RBM10: variants seen among roughly 807,000 people sequenced by gnomAD.
RBM10 encodes the protein RNA binding motif protein 10.
RBM10 carries 1 observed loss-of-function variant against 84.9 expected under a neutral mutation model. The observed-to-expected ratio is 0.01, with a 90% confidence interval of 0.00 to 0.06. The LOEUF is 0.06. Ranked by LOEUF, RBM10 falls within the 10% of genes least tolerant of loss-of-function variation. The probability of loss-of-function intolerance (pLI) is 1.00; values close to 1 mark genes in which losing one functional copy is unlikely to be tolerated. For missense variants in RBM10, 438 were observed against 839.0 expected (o/e 0.52, Z 5.90); for synonymous variants, 326 against 344.5 (o/e 0.95, Z 0.60).
Position 47,181,407 on chromosome X carries a change from C to T in RBM10, c.1435+6C>T, listed in dbSNP as rs1556779280. The T allele has an allele frequency of 1.7e-6, 2 of 1,207,845 alleles. No individual in the cohort carries two copies. The highest frequency in any genetic ancestry group is 2.2e-6 in the Non-Finnish European group (2 of 893,188). Reference sequence around the variant, plus strand: ...AGGGGATCCCACTGGAGCAGGTGAGCCCCAGCATCTCTCTCTGCAGCTGTG... The same window carrying T: ...AGGGGATCCCACTGGAGCAGGTGAGTCCCAGCATCTCTCTCTGCAGCTGTG... On this transcript the variant is annotated splice_donor_region_variant and intron_variant, in intron 13 of 23. Coordinates refer to ENST00000377604, the MANE Select transcript of RBM10 (RefSeq NM_005676.5).
At chrX:47,155,983 ATT>A (rs1437174197) in intron 2 of RBM10, among the ~76,000 whole-genome samples, 8 of 107,505 alleles carry the variant, frequency 7.4e-5, no homozygotes, top group Non-Finnish European at 1.5e-4. Flanking sequence ...CTAATTTTGT[ATT>A]TTTAGTAGAG....
intron 2 of RBM10, among the ~76,000 whole-genome samples, chrX:47,167,496 T>C (rs781872502): frequency 9.1e-6 from 1 of 109,850 alleles, no homozygotes; most frequent in South Asian, 3.9e-4. Context: ...CCCAAGTAGC[T>C]GAGATTACAG....
intron 1 of RBM10, 113 bp downstream of exon 1, chrX:47,145,598 G>GACAT: frequency 6.0e-6 from 4 of 670,118 alleles, no homozygotes; most frequent in Non-Finnish European, 8.4e-6. Context: ...GGAGGGGTTG[G>GACAT]TGCAATGTCT....
chrX:47,179,719 A>T (rs782135527), intron 9 of RBM10, 161 bp from the exon 10 acceptor site: 334 of 824,243 alleles, frequency 4.1e-4, no homozygotes, highest in Non-Finnish European at 5.6e-4. Flanking sequence ...TGGCACCTGG[A>T]CCGCCAAGCA....
In RBM10 at chrX:47,180,271, C is replaced by G. The variant is rs1935425299; in HGVS notation, c.1122C>G (p.Gly374=). The G allele has an allele frequency of 1.7e-6, 2 of 1,202,515 alleles. No individual in the cohort carries two copies. The highest frequency in any genetic ancestry group is 4.4e-5 in the Admixed American group (2 of 45,172). Residue 374 remains glycine, a synonymous_variant, in exon 11 of 24, where the codon GGC becomes GGG. Transcript: ENST00000377604. ...QALHPPLTID[G]KTINVEFAKG... ...TGCACCCACCACTCACTATCGACGG[C>G]AAGACCATCAATGTTGAGTTTGCCA...
At position 47,145,246 on chromosome X, in the gene RBM10, C is replaced by G. The variant is rs947140029; in HGVS notation, c.-365C>G. 2.5e-5 allele frequency: 12 copies of G among 475,236 alleles called. No individual in the cohort carries two copies. Among genetic ancestry groups the G allele is most frequent in the Non-Finnish European group, 3.3e-5 (9 of 271,445 alleles). The allele number at this position is 475,236 out of a possible 1,213,427, so 39.2% of individuals were successfully genotyped here. On this transcript the variant is annotated 5_prime_UTR_variant, in exon 1 of 24. Coordinates refer to ENST00000377604, the MANE Select transcript of RBM10 (RefSeq NM_005676.5). Reference sequence around the variant, plus strand: ...AGTAGGTGGATGGTGGTCGGAGCGCCGACTCCCTTCTCGTCGTCGCCATTT... The same window carrying G: ...AGTAGGTGGATGGTGGTCGGAGCGCGGACTCCCTTCTCGTCGTCGCCATTT...
rs1556779561 is a variant in RBM10, at chrX:47,181,612, C to T, written c.1541C>T (p.Ala514Val). The change falls in exon 14 of 24, where the codon GCG (alanine) becomes GTG (valine). Residue 514 changes from alanine to valine, a missense_variant. Coordinates refer to ENST00000377604, the MANE Select transcript of RBM10 (RefSeq NM_005676.5). ...APGIYQQSAE[A>V]SSSQGTAANS... ...GGCATCTACCAACAATCAGCCGAGG[C>T]GAGCAGTAGCCAGGGCACTGCTGCC... 5.0e-6 allele frequency: 6 copies of T among 1,206,420 alleles called. No individual in the cohort carries two copies. Among genetic ancestry groups the T allele is most frequent in the Non-Finnish European group, 6.7e-6 (6 of 893,447 alleles).
Position 47,156,098 on chromosome X carries a change from C to T in RBM10, c.17+8600C>T, listed in dbSNP as rs782092609. Among the ~76,000 whole-genome samples the T allele has an allele frequency of 1.1e-4, 12 of 110,471 alleles. No homozygotes were observed. The East Asian group carries it at 1.7e-3, about 16-fold the overall frequency. Reference sequence around the variant, plus strand: ...TGCTCGGATTATAGGTGTGAGCCACCGTGCCCAGCCCACTAGATTCTACTA... The same window carrying T: ...TGCTCGGATTATAGGTGTGAGCCACTGTGCCCAGCCCACTAGATTCTACTA... On this transcript the variant is annotated intron_variant, in intron 2 of 23. Transcript: ENST00000377604.
chrX:47,148,626 T>C (rs1265618643), intron 2 of RBM10, among the ~76,000 whole-genome samples: 1 of 96,663 alleles, frequency 1.0e-5, no homozygotes, highest in African/African-American at 3.8e-5. Context: ...AATGTATCCT[T>C]CTATGATACA....
At chrX:47,157,541 C>A in intron 2 of RBM10, 1 of 428,990 alleles carries the variant, frequency 2.3e-6, no homozygotes, top group Non-Finnish European at 4.3e-6. Context: ...CCATGTAGAT[C>A]TCAATCTTCC....
intron 5 of RBM10, among the ~76,000 whole-genome samples, chrX:47,173,930 TC>T (rs1556774925): frequency 1.0e-4 from 10 of 95,746 alleles, no homozygotes; most frequent in South Asian, 5.0e-4. Context: ...TCTCTCTCTC[TC>T]TCTTTCTCCC....
In RBM10 at chrX:47,157,235, G is replaced by A. The variant is rs1269483005; in HGVS notation, c.17+9737G>A. On this transcript the variant is annotated intron_variant, in intron 2 of 23. Coordinates refer to ENST00000377604, the MANE Select transcript of RBM10 (RefSeq NM_005676.5). ...GGATTCGTGGTCACATTGTGTCCGC[G>A]GAGAATTTCTTGAGCAAGGGCCTCT... is the stretch of plus-strand genomic sequence containing the variant. 1.7e-5 allele frequency: 5 copies of A among 292,163 alleles called. No homozygotes were observed. The East Asian group carries it at 2.5e-4, about 15-fold the overall frequency. The allele number at this position is 292,163 out of a possible 1,213,427, so 24.1% of individuals were successfully genotyped here. A position where few individuals can be genotyped will look rare whatever the true frequency, so the allele number is the denominator to read the frequency against.
intron 7 of RBM10, among the ~76,000 whole-genome samples, chrX:47,176,851 G>A (rs1286884081): frequency 9.0e-6 from 1 of 111,025 alleles, no homozygotes; most frequent in Non-Finnish European, 1.9e-5. Flanking sequence ...CTCCTAAAAT[G>A]CAGTCTTGCC....
In RBM10 at chrX:47,180,408, A is replaced by T. The variant is rs781834292; in HGVS notation, c.1161-11A>T. On this transcript the variant is annotated splice_polypyrimidine_tract_variant and intron_variant, in intron 11 of 23. Coordinates refer to ENST00000377604, the MANE Select transcript of RBM10 (RefSeq NM_005676.5). ...TCCTATCTCACTCCCAGTCTCTAAC[A>T]TCCTCCTCAGGGACATGGCCTCCAA... 1.1e-5 allele frequency: 13 copies of T among 1,201,391 alleles called. No homozygotes were observed. Among genetic ancestry groups the T allele is most frequent in the Non-Finnish European group, 1.5e-5 (13 of 892,752 alleles).
chrX:47,177,241 C>T (rs1935211914), intron 7 of RBM10, among the ~76,000 whole-genome samples: 2 of 112,504 alleles, frequency 1.8e-5, no homozygotes, highest in Admixed American at 1.9e-4. Flanking sequence ...GCCACTCTGA[C>T]CAGGCCAAGT....
chrX:47,156,722 C>G (rs1556765296), intron 2 of RBM10: 1 of 164,413 alleles, frequency 6.1e-6, no homozygotes, highest in African/African-American at 3.2e-5. Context: ...AGCAGAGTCT[C>G]GGGTGCGGCA....
chrX:47,184,993 T>TA, intron 17 of RBM10, 62 bp from the exon 18 acceptor site: 1 of 1,146,769 alleles, frequency 8.7e-7, no homozygotes, highest in East Asian at 3.2e-5. Context: ...GGTCAGCAGA[T>TA]AGAGTTAGTA....
rs782683000 is a variant in RBM10 at position 47,186,237 on chromosome X, T to C, written c.2538-21T>C. The C allele has an allele frequency of 7.4e-6, 9 of 1,209,382 alleles. No individual in the cohort carries two copies. In the South Asian group the frequency reaches 1.6e-4, roughly 21 times the overall value. On this transcript the variant is annotated intron_variant, in intron 22 of 23. Transcript: ENST00000377604. ...CCGGGGCCGGCAGGCCGACCACTCA[T>C]GCTGTGCACCGCCCCTGCAGAGACT...
chrX:47,168,666 A>G (rs185211997), intron 2 of RBM10, among the ~76,000 whole-genome samples: 1,878 of 111,843 alleles, frequency 0.017, 16 homozygotes, highest in Non-Finnish European at 0.027. Flanking sequence ...ACAGTGAAGC[A>G]GGGGCAGGGG....
Sources: gnomAD v4.1 joint callset for allele counts (sites outside exome capture counted in the v4.1 genomes callset) on GRCh38, gnomAD v4.1.1 for gene constraint, MANE v1.5 for transcripts, NCBI Gene and HGNC (gene_info 2026-07-23, HGNC 2026-07-21) for gene names.